Variants in LRRTM4 observed in about 807,000 individuals in gnomAD.
LRRTM4 encodes the protein leucine rich repeat transmembrane neuronal 4, also known as leucine-rich repeat transmembrane neuronal protein 4.
A neutral mutation model predicts 47.6 loss-of-function variants in LRRTM4; 25 were observed. The observed-to-expected ratio is 0.53, with a 90% CI of 0.38 to 0.73. The LOEUF (loss-of-function observed/expected upper bound fraction) is 0.73. Ranked by LOEUF, LRRTM4 falls within the 30% of genes least tolerant of loss-of-function variation. LRRTM4 has a pLI of 0.00. For missense variants in LRRTM4, 638 were observed against 713.4 expected (o/e 0.89, Z 1.20); for synonymous variants, 311 against 269.5 (o/e 1.15, Z -1.51).
At chr2:76,807,949 C>CTCTT (rs1553412844) in intron 3 of LRRTM4, among the ~76,000 whole-genome samples, 2 of 139,836 alleles carry the variant, frequency 1.4e-5, no homozygotes, top group Non-Finnish European at 1.5e-5. Flanking sequence ...TTCTTTCTTT[C>CTCTT]TTTCTTTTTC....
In LRRTM4 at chr2:77,102,277, G is replaced by A. The variant is rs535098352; in HGVS notation, c.1552-353361C>T. 1.2e-4 allele frequency among the ~76,000 whole-genome samples: 19 copies of A among 152,262 alleles called. 1 individual carries two copies. In the South Asian group the frequency reaches 2.1e-3, roughly 17 times the overall value. On this transcript the variant is annotated intron_variant, in intron 3 of 3. Coordinates refer to ENST00000409884, the MANE Select transcript of LRRTM4 (RefSeq NM_001134745.3). ...CCACAGAAGTCTAAGCACCTCTTAC[G>A]TGTTGCTTCCCCATTCCTCTGCTTC...
At chr2:77,345,185 A>G (rs1671517712) in intron 3 of LRRTM4, among the ~76,000 whole-genome samples, 1 of 151,730 alleles carries the variant, frequency 6.6e-6, no homozygotes, top group Non-Finnish European at 1.5e-5. Flanking sequence ...AGATAAAACA[A>G]TAAAATGGCA....
chr2:76,942,780 G>A (rs1675195192), intron 3 of LRRTM4, among the ~76,000 whole-genome samples: 1 of 151,768 alleles, frequency 6.6e-6, no homozygotes, highest in Admixed American at 6.6e-5. Flanking sequence ...TTCTTAATAA[G>A]AGTGTGGGGA....
intron 3 of LRRTM4, among the ~76,000 whole-genome samples, chr2:77,211,816 C>A (rs1230521928): frequency 6.6e-6 from 1 of 151,966 alleles, no homozygotes; most frequent in African/African-American, 2.4e-5. Context: ...CAATTTTTAC[C>A]TTATGCTGAA....
chr2:77,097,297 A>G (rs925526784), intron 3 of LRRTM4, among the ~76,000 whole-genome samples: 8 of 152,116 alleles, frequency 5.3e-5, no homozygotes, highest in South Asian at 2.1e-4. Flanking sequence ...TGGAATTTCA[A>G]TACAGATCTT....
intron 3 of LRRTM4, among the ~76,000 whole-genome samples, chr2:77,013,066 C>A (rs558286008): frequency 1.3e-5 from 2 of 152,234 alleles, no homozygotes; most frequent in African/African-American, 4.8e-5. Flanking sequence ...GAATGGATAA[C>A]CTTCTCTCCA....
At chr2:77,168,380 T>G (rs1029413679) in intron 3 of LRRTM4, among the ~76,000 whole-genome samples, 7 of 152,092 alleles carry the variant, frequency 4.6e-5, no homozygotes, top group Non-Finnish European at 8.8e-5. Flanking sequence ...CTCTGCTACT[T>G]ATTATCTCTT....
At chr2:77,046,563 C>A (rs902201076) in intron 3 of LRRTM4, among the ~76,000 whole-genome samples, 1 of 151,902 alleles carries the variant, frequency 6.6e-6, no homozygotes, top group African/African-American at 2.4e-5. Flanking sequence ...AGAGTATATA[C>A]CATTCAGCAG....
chr2:77,111,926 T>G (rs959917004), intron 3 of LRRTM4, among the ~76,000 whole-genome samples: 3 of 152,162 alleles, frequency 2.0e-5, no homozygotes, highest in African/African-American at 7.2e-5. Context: ...AATGTGTGCA[T>G]AGTATACATA....
chr2:76,788,597 A>G (rs1674802801), intron 3 of LRRTM4, among the ~76,000 whole-genome samples: 1 of 152,238 alleles, frequency 6.6e-6, no homozygotes, highest in Non-Finnish European at 1.5e-5. Context: ...AAGGAAGTTT[A>G]TAATGCAAGT....
intron 3 of LRRTM4, among the ~76,000 whole-genome samples, chr2:77,251,876 T>C (rs1048791852): frequency 6.6e-6 from 1 of 152,142 alleles, no homozygotes; most frequent in African/African-American, 2.4e-5. Flanking sequence ...CTGAGATTGA[T>C]GATATTTGGG....
intron 3 of LRRTM4, among the ~76,000 whole-genome samples, chr2:76,973,801 A>G (rs556565281): frequency 6.6e-6 from 1 of 152,050 alleles, no homozygotes; most frequent in African/African-American, 2.4e-5. Context: ...GCACACAATT[A>G]CTAGCATCTG....
chr2:77,496,642 A>G (rs1323730614), intron 3 of LRRTM4, among the ~76,000 whole-genome samples: 1 of 151,824 alleles, frequency 6.6e-6, no homozygotes. Flanking sequence ...CTGACCTAGC[A>G]TTCCTGGTAT....
intron 3 of LRRTM4, among the ~76,000 whole-genome samples, chr2:76,801,070 G>A (rs539109804): frequency 2.0e-4 from 30 of 150,734 alleles, no homozygotes; most frequent in African/African-American, 7.3e-4. Context: ...TGGTGGGACT[G>A]TAAACTAGTT....
intron 3 of LRRTM4, among the ~76,000 whole-genome samples, chr2:77,181,412 G>T (rs989013264): frequency 6.6e-6 from 1 of 152,058 alleles, no homozygotes; most frequent in South Asian, 2.1e-4. Flanking sequence ...CCAGGTCTAA[G>T]GATTTGCATT....
chr2:77,073,162 T>C (rs1680217648), intron 3 of LRRTM4, among the ~76,000 whole-genome samples: 1 of 151,700 alleles, frequency 6.6e-6, no homozygotes, highest in African/African-American at 2.4e-5. Context: ...ATTAAATATT[T>C]GCTGGTTCTT....
chr2:76,853,940 T>C (rs576517926), intron 3 of LRRTM4, among the ~76,000 whole-genome samples: 1 of 152,186 alleles, frequency 6.6e-6, no homozygotes, highest in Non-Finnish European at 1.5e-5. Context: ...TTGTTTAAAA[T>C]TCATATGCCT....
At chr2:77,151,972 G>C (rs1672442788) in intron 3 of LRRTM4, among the ~76,000 whole-genome samples, 1 of 152,086 alleles carries the variant, frequency 6.6e-6, no homozygotes. Context: ...GTATCTCAAG[G>C]AAATACACAT....
chr2:77,333,177 T>A (rs907794725), intron 3 of LRRTM4, among the ~76,000 whole-genome samples: 5 of 152,194 alleles, frequency 3.3e-5, no homozygotes, highest in African/African-American at 1.2e-4. Flanking sequence ...CTTTTGTAAA[T>A]TGCCCAGTCT....
Sources: gnomAD v4.1 joint callset for allele counts (sites outside exome capture counted in the v4.1 genomes callset) on GRCh38, gnomAD v4.1.1 for gene constraint, MANE v1.5 for transcripts, NCBI Gene and HGNC (gene_info 2026-07-23, HGNC 2026-07-21) for gene names.